Variants in CHST9 observed in about 807,000 individuals in gnomAD.
CHST9 encodes the protein carbohydrate sulfotransferase 9, also known as GalNAc-4-sulfotransferase 2.
A neutral mutation model predicts 44.4 loss-of-function variants in CHST9; 41 were observed. The observed-to-expected ratio is 0.92, with a 90% CI of 0.72 to 1.20. CHST9 has a LOEUF of 1.20. CHST9 is among the 50% of genes most tolerant of loss of function. The pLI is 0.00. For synonymous variants in CHST9, 171 were observed against 178.4 expected, an observed-to-expected ratio of 0.96 and a Z score of 0.33; for missense variants, 504 against 516.5, an observed-to-expected ratio of 0.98 and a Z score of 0.23.
intron 4 of CHST9, among the ~76,000 whole-genome samples, chr18:26,972,723 G>A (rs140828958): frequency 1.3e-5 from 2 of 152,330 alleles, no homozygotes; most frequent in African/African-American, 4.8e-5. Flanking sequence ...AAAGATGGAG[G>A]CAGGGGGCGG....
chr18:26,995,534 C>T (rs12966203), intron 4 of CHST9, among the ~76,000 whole-genome samples: 23,895 of 151,862 alleles, frequency 0.16, 2,079 homozygotes, highest in East Asian at 0.26. Context: ...CCACAGAAAC[C>T]GTGGAATAAT....
Position 26,916,113 on chromosome 18 carries a change from G to A in CHST9, c.*146C>T. The A allele has an allele frequency of 1.5e-6, 1 of 651,364 alleles. No homozygotes were observed. The highest frequency in any genetic ancestry group is 2.8e-5 in the East Asian group (1 of 35,566). 40.3% of individuals were successfully genotyped at this position (651,364 alleles called of 1,614,324 possible). ...TTCCTATAACTTTGTGCCAATTGGT[G>A]TCATACTATTTGGTAAAAATCTACA... On this transcript the variant is annotated 3_prime_UTR_variant, in exon 6 of 6. Coordinates refer to ENST00000618847, the MANE Select transcript of CHST9 (RefSeq NM_031422.6).
intron 2 of CHST9, among the ~76,000 whole-genome samples, chr18:27,053,212 G>A (rs10468889): frequency 1.3e-3 from 67 of 49,772 alleles, no homozygotes; most frequent in East Asian, 4.1e-3. Flanking sequence ...AAGAAGAGGA[G>A]GAAGAGGAAG....
chr18:27,124,609 C>A (rs1280643550), intron 2 of CHST9, among the ~76,000 whole-genome samples: 8 of 152,206 alleles, frequency 5.3e-5, no homozygotes, highest in Non-Finnish European at 1.2e-4. Context: ...ACTCTTCAAA[C>A]CTCTTCCAAA....
intron 3 of CHST9, among the ~76,000 whole-genome samples, chr18:27,041,473 G>A (rs546245310): frequency 2.4e-4 from 36 of 152,218 alleles, no homozygotes; most frequent in African/African-American, 8.7e-4. Flanking sequence ...TGATGCAGCT[G>A]AAGATAATAC....
chr18:27,090,072 C>G (rs1241849331), intron 2 of CHST9, among the ~76,000 whole-genome samples: 1 of 152,036 alleles, frequency 6.6e-6, no homozygotes, highest in African/African-American at 2.4e-5. Context: ...CGGCCTCCCA[C>G]AGTGCTGGGA....
rs1231367941 is a variant in CHST9, at chr18:27,158,457, G to C, written c.-96-15552C>G. Among the ~76,000 whole-genome samples, 7 of 151,060 alleles carry C rather than the reference G, an allele frequency of 4.6e-5. No homozygotes were observed. In the East Asian group the frequency reaches 1.4e-3, roughly 30 times the overall value. On this transcript the variant is annotated intron_variant, in intron 1 of 5. Transcript: ENST00000618847. ...ACTCATCATTTTTTATGGCTGCATA[G>C]TATTCCATGGTGTATATGTACCACA...
At position 27,068,202 on chromosome 18, in the gene CHST9, T is replaced by C. The variant is rs73944506; in HGVS notation, c.122-19699A>G. On this transcript the variant is annotated intron_variant, in intron 2 of 5. Transcript: ENST00000618847. ...TATGATTGCTCCTCTGTCCTTCCCATTTATTAAATTTTATCATAATAGGCA... is the reference window on the plus strand; with the variant it reads ...TATGATTGCTCCTCTGTCCTTCCCACTTATTAAATTTTATCATAATAGGCA... Among the ~76,000 whole-genome samples the C allele has an allele frequency of 9.4e-3, 1,426 of 152,330 alleles. 23 individuals carry two copies. Among genetic ancestry groups the C allele is most frequent in the African/African-American group, 0.033 (1,366 of 41,572 alleles).
chr18:27,142,295 A>G (rs1237292629), intron 2 of CHST9, among the ~76,000 whole-genome samples: 1 of 152,240 alleles, frequency 6.6e-6, no homozygotes, highest in Non-Finnish European at 1.5e-5. Flanking sequence ...AATTTTGAGT[A>G]TCAATATAAA....
intron 4 of CHST9, among the ~76,000 whole-genome samples, chr18:27,016,095 A>C (rs1446220314): frequency 6.6e-6 from 1 of 152,184 alleles, no homozygotes; most frequent in Admixed American, 6.5e-5. Context: ...ACCACTTATA[A>C]ATGTAAGTTA....
rs964907219 is a variant in CHST9 at position 27,144,022 on chromosome 18, C to G, written c.-96-1117G>C. On this transcript the variant is annotated intron_variant, in intron 1 of 5. Transcript: ENST00000618847. ...AAGAATCCCTGTTCCCAATGAACTG[C>G]CACACAAGTATGCAGTAAGCCGTGT... Among the ~76,000 whole-genome samples, 2 of 152,058 alleles carry G rather than the reference C, an allele frequency of 1.3e-5. 1 individual carries two copies. Among genetic ancestry groups the G allele is most frequent in the South Asian group, 4.2e-4 (2 of 4,812 alleles).
At chr18:27,095,952 G>A (rs2058112756) in intron 2 of CHST9, among the ~76,000 whole-genome samples, 1 of 152,010 alleles carries the variant, frequency 6.6e-6, no homozygotes, top group Admixed American at 6.5e-5. Context: ...GACATATACA[G>A]AATATTGCCC....
intron 3 of CHST9, among the ~76,000 whole-genome samples, chr18:27,026,065 T>C (rs953215681): frequency 4.6e-5 from 7 of 152,200 alleles, no homozygotes; most frequent in Non-Finnish European, 1.0e-4. Context: ...ATCTGACTTA[T>C]AACAATCAAG....
intron 2 of CHST9, among the ~76,000 whole-genome samples, chr18:27,107,107 G>A (rs960823994): frequency 6.6e-6 from 1 of 152,074 alleles, no homozygotes; most frequent in African/African-American, 2.4e-5. Flanking sequence ...GAGGGCCCTG[G>A]GGGAATGGAG....
chr18:26,995,437 CA>C (rs11284514), intron 4 of CHST9, among the ~76,000 whole-genome samples: 64,002 of 102,266 alleles, frequency 0.63, 16,728 homozygotes, highest in East Asian at 0.69. Flanking sequence ...GACTCCGTCT[CA>C]AAAAAAAAAA....
At position 26,915,480 on chromosome 18, in the gene CHST9, A is replaced by G. The variant is rs2055502620; in HGVS notation, c.*779T>C. On this transcript the variant is annotated 3_prime_UTR_variant, in exon 6 of 6. Coordinates refer to ENST00000618847, the MANE Select transcript of CHST9 (RefSeq NM_031422.6). ...TCAATTAAACCAGAATTAGGAGCAC[A>G]TTTATATCTGATGAGACTTAAGCTT... 6.6e-6 allele frequency: 1 copy of G among 152,236 alleles called. No individual in the cohort carries two copies. Among genetic ancestry groups the G allele is most frequent in the African/African-American group, 2.4e-5 (1 of 41,448 alleles). The allele number at this position is 152,236 out of a possible 1,614,324, so 9.4% of individuals were successfully genotyped here.
At chr18:26,965,774 C>G (rs942499510) in intron 4 of CHST9, among the ~76,000 whole-genome samples, 4 of 152,154 alleles carry the variant, frequency 2.6e-5, no homozygotes, top group Non-Finnish European at 4.4e-5. Flanking sequence ...AGATCTTATA[C>G]TAGTAGCATC....
intron 1 of CHST9, chr18:27,147,861 CT>C (rs199868717): frequency 4.8e-3 from 673 of 139,984 alleles, no homozygotes; most frequent in African/African-American, 5.6e-3. Context: ...TATACTATTT[CT>C]TTTTTTTTTT....
intron 2 of CHST9, among the ~76,000 whole-genome samples, chr18:27,089,972 G>A (rs1183410006): frequency 1.3e-5 from 2 of 151,910 alleles, no homozygotes; most frequent in African/African-American, 2.4e-5. Flanking sequence ...CACCACGCCC[G>A]GCTAATTTTT....
Sources: allele counts gnomAD v4.1 joint callset (sites outside exome capture counted in the v4.1 genomes callset), GRCh38; gene constraint gnomAD v4.1.1; transcripts MANE v1.5; gene names NCBI Gene and HGNC (gene_info 2026-07-23, HGNC 2026-07-21).